Variants in PPM1K observed in about 807,000 individuals in gnomAD.
PPM1K encodes protein phosphatase Mn(2+)-dependent 1K.
PPM1K carries 19 observed loss-of-function variants against 32.6 expected under a neutral mutation model. That is an observed-to-expected ratio of 0.58 (90% CI 0.41 to 0.86). The LOEUF is 0.86. Ranked by LOEUF, PPM1K falls within the 40% of genes least tolerant of loss-of-function variation. The pLI is 0.00. For missense variants in PPM1K, 362 were observed against 461.2 expected (o/e 0.78, Z 1.97); for synonymous variants, 159 against 165.3 (o/e 0.96, Z 0.29).
intron 1 of PPM1K, among the ~76,000 whole-genome samples, chr4:88,283,222 C>A (rs1219009441): frequency 2.0e-5 from 3 of 152,206 alleles, no homozygotes; most frequent in Non-Finnish European, 2.9e-5. Context: ...TCAAGAGATC[C>A]TCCCACCTCA....
In PPM1K at chr4:88,277,128, G is replaced by A. The variant is rs2110169796; in HGVS notation, c.541+15C>T. 1 of 1,590,418 alleles carries A rather than the reference G, an allele frequency of 6.3e-7. No homozygotes were observed. The highest frequency in any genetic ancestry group is 8.6e-7 in the Non-Finnish European group (1 of 1,158,540). On this transcript the variant is annotated intron_variant, in intron 3 of 6. Coordinates refer to ENST00000608933, the MANE Select transcript of PPM1K (RefSeq NM_152542.5). ...GTACTCCCTAGGATCCAAGGAATGTGATAGTTTTACATACCATCAGCAGAC... is the reference window on the plus strand; with the variant it reads ...GTACTCCCTAGGATCCAAGGAATGTAATAGTTTTACATACCATCAGCAGAC...
intron 3 of PPM1K, chr4:88,276,666 T>C: frequency 1.0e-6 from 1 of 985,290 alleles, no homozygotes; most frequent in Non-Finnish European, 1.2e-6. Context: ...TATTAACCAT[T>C]GTCTTTTTCT....
chr4:88,265,667 T>C (rs1285717203), intron 5 of PPM1K, among the ~76,000 whole-genome samples: 2 of 152,212 alleles, frequency 1.3e-5, no homozygotes, highest in Non-Finnish European at 2.9e-5. Flanking sequence ...TAGTAACATT[T>C]AGAATTAACC....
chr4:88,275,738 T>G (rs1035978842), intron 3 of PPM1K: 1 of 985,254 alleles, frequency 1.0e-6, no homozygotes, highest in Non-Finnish European at 1.2e-6. Context: ...TACTATGAAA[T>G]AAGAGCATAC....
At chr4:88,265,201 CA>C in intron 5 of PPM1K, 66 bp from the exon 6 acceptor site, 1 of 1,586,160 alleles carries the variant, frequency 6.3e-7, no homozygotes, top group Non-Finnish European at 8.6e-7. Flanking sequence ...CTCGCTAATT[CA>C]AAGATTTTAC....
intron 3 of PPM1K, among the ~76,000 whole-genome samples, chr4:88,269,829 C>T (rs1731483915): frequency 6.6e-6 from 1 of 152,190 alleles, no homozygotes; most frequent in Admixed American, 6.5e-5. Context: ...CCGTTTCCTC[C>T]ATCCAACTCA....
intron 5 of PPM1K, among the ~76,000 whole-genome samples, chr4:88,267,579 T>G (rs1731388261): frequency 6.6e-6 from 1 of 152,220 alleles, no homozygotes; most frequent in African/African-American, 2.4e-5. Context: ...GTCAAGTCAC[T>G]GAAAAGGCAG....
rs1731724297 is a variant in PPM1K at position 88,275,387 on chromosome 4, T to G, written c.541+1756A>C. 4 of 981,592 alleles carry G rather than the reference T, an allele frequency of 4.1e-6. No individual in the cohort carries two copies. In the South Asian group the frequency reaches 1.9e-4, roughly 46 times the overall value. The allele number at this position is 981,592 out of a possible 1,614,324, so 60.8% of individuals were successfully genotyped here. On this transcript the variant is annotated intron_variant, in intron 3 of 6. Coordinates refer to ENST00000608933, the MANE Select transcript of PPM1K (RefSeq NM_152542.5). ...GACAAAGGTATCTTTAGAAAGTTTC[T>G]TTTAAGATAGGCAAGTTAATTAAAT...
intron 1 of PPM1K, among the ~76,000 whole-genome samples, chr4:88,281,610 T>C (rs1732010231): frequency 6.7e-6 from 1 of 149,706 alleles, no homozygotes; most frequent in African/African-American, 2.5e-5. Context: ...TTGGCAGAGA[T>C]GAAATGTGAC....
Position 88,277,251 on chromosome 4 carries a change from G to T in PPM1K, c.441-8C>A. 6.3e-7 allele frequency: 1 copy of T among 1,595,072 alleles called. No homozygotes were observed. Among genetic ancestry groups the T allele is most frequent in the Non-Finnish European group, 8.6e-7 (1 of 1,163,306 alleles). On this transcript the variant is annotated splice_region_variant and splice_polypyrimidine_tract_variant and intron_variant, in intron 2 of 6. Coordinates refer to ENST00000608933, the MANE Select transcript of PPM1K (RefSeq NM_152542.5). ...TCCTTAGGAAGCAAATCCCTTTGTG[G>T]GGAGGAAAAAAAGAGCCTTAAACAA...
At chr4:88,266,546 A>G (rs1264644010) in intron 5 of PPM1K, among the ~76,000 whole-genome samples, 8 of 117,606 alleles carry the variant, frequency 6.8e-5, no homozygotes, top group Admixed American at 1.9e-4. Flanking sequence ...ATGCTGATTG[A>G]CTGCGTGCAG....
Position 88,278,676 on chromosome 4 carries a change from GA to G in PPM1K, c.-59-35del, listed in dbSNP as rs1313702971. 1 of 990,494 alleles carries G rather than the reference GA, an allele frequency of 1.0e-6. No homozygotes were observed. The highest frequency in any genetic ancestry group is 2.7e-5 in the Admixed American group (1 of 36,790). 61.4% of individuals were successfully genotyped at this position (990,494 alleles called of 1,614,324 possible). ...AAAATGATGCAAGTCACAGGGGACAGAGGGAGAGAGGGGCAGAGGAGGAGAG... is the reference window on the plus strand; with the variant it reads ...AAAATGATGCAAGTCACAGGGGACAGGGGAGAGAGGGGCAGAGGAGGAGAG... On this transcript the variant is annotated intron_variant, in intron 1 of 6. Coordinates refer to ENST00000608933, the MANE Select transcript of PPM1K (RefSeq NM_152542.5). This position sits in a 1 kb window ranked among gnomAD's most constrained non-coding sequence, Gnocchi z 4.2.
intron 6 of PPM1K, among the ~76,000 whole-genome samples, chr4:88,264,673 T>C (rs1731239481): frequency 6.6e-6 from 1 of 152,220 alleles, no homozygotes; most frequent in Non-Finnish European, 1.5e-5. Context: ...TTACAATATA[T>C]GTAACTGTAC....
rs1731000552 is a variant in PPM1K, at chr4:88,258,659, T to TG, written c.*3935dup. On this transcript the variant is annotated 3_prime_UTR_variant, in exon 7 of 7. Transcript: ENST00000608933. Reference sequence around the variant, plus strand: ...AAAAAAAATTCCATCTTTTAGATTATGTGCTAATAATTCTCTTTTAAGTGT... The same window carrying TG: ...AAAAAAAATTCCATCTTTTAGATTATGGTGCTAATAATTCTCTTTTAAGTGT... The TG allele has an allele frequency of 6.6e-6, 1 of 151,864 alleles. No individual in the cohort carries two copies. Among genetic ancestry groups the TG allele is most frequent in the African/African-American group, 2.4e-5 (1 of 41,320 alleles). 9.4% of individuals were successfully genotyped at this position (151,864 alleles called of 1,614,324 possible).
chr4:88,269,450 C>T (rs955120198), intron 3 of PPM1K, among the ~76,000 whole-genome samples: 2 of 152,212 alleles, frequency 1.3e-5, no homozygotes, highest in Admixed American at 6.5e-5. Context: ...TATTCTACCC[C>T]TGTATGCTTC....
chr4:88,268,367 G>A (rs1419697441), intron 4 of PPM1K, 33 bp from the exon 5 acceptor site: 2 of 1,613,508 alleles, frequency 1.2e-6, no homozygotes, highest in Middle Eastern at 1.6e-4. Flanking sequence ...GGTGTGATAT[G>A]TAGAAAACCC....
Position 88,277,225 on chromosome 4 carries a change from C to T in PPM1K, c.459G>A (p.Glu153=), listed in dbSNP as rs1358518797. 2.5e-6 allele frequency: 4 copies of T among 1,613,682 alleles called. No individual in the cohort carries two copies. The Admixed American group carries it at 5.0e-5, about 20-fold the overall frequency. The change falls in exon 3 of 7, where the codon GAG becomes GAA. Residue 153 remains glutamate (E), a synonymous_variant. Transcript: ENST00000608933. The part of the protein sequence containing the change: ...EKCIMDLLPK[E]KNLETLLTLA... ...AGGTCAACAGAGTTTCCAAGTTCTT[C>T]TCCTTAGGAAGCAAATCCCTTTGTG...
intron 5 of PPM1K, among the ~76,000 whole-genome samples, chr4:88,265,377 C>A (rs1242150223): frequency 6.6e-6 from 1 of 152,214 alleles, no homozygotes; most frequent in South Asian, 2.1e-4. Context: ...TTTCCCATGC[C>A]GTTTTCATAA....
chr4:88,263,619 T>A (rs1731206071), intron 6 of PPM1K, among the ~76,000 whole-genome samples: 2 of 150,838 alleles, frequency 1.3e-5, no homozygotes, highest in South Asian at 4.1e-4. Context: ...AAAAAAATAT[T>A]TTTTTTTGTA....
Sources: gnomAD v4.1 joint callset for allele counts (sites outside exome capture counted in the v4.1 genomes callset) on GRCh38, gnomAD v4.1.1 for gene constraint, Gnocchi (gnomAD v3.1) non-coding constraint, MANE v1.5 for transcripts, NCBI Gene and HGNC (gene_info 2026-07-23, HGNC 2026-07-21) for gene names.